The following TDRD3 variants were observed in gnomAD, a reference collection of about 807,000 sequenced individuals.
The protein encoded by TDRD3 is tudor domain containing 3.
A neutral mutation model predicts 86.7 loss-of-function variants in TDRD3; 45 were observed. That is an observed-to-expected ratio of 0.52 (90% CI 0.41 to 0.67). The LOEUF (loss-of-function observed/expected upper bound fraction) is 0.67, where lower values mean the gene tolerates loss of function less well. Ranked by LOEUF, TDRD3 falls within the 30% of genes least tolerant of loss-of-function variation. The pLI is 0.00. For synonymous variants in TDRD3, 298 were observed against 301.7 expected (o/e 0.99, Z 0.13); for missense variants, 814 against 889.0 (o/e 0.92, Z 1.07).
chr13:60,477,800 T>C (rs1057303287), intron 5 of TDRD3, among the ~76,000 whole-genome samples: 13 of 152,202 alleles, frequency 8.5e-5, no homozygotes, highest in African/African-American at 3.1e-4. Flanking sequence ...TCTTCTCATC[T>C]ACGTGCATCA....
At position 60,457,001 on chromosome 13, in the gene TDRD3, A is replaced by G. The variant is rs147240484; in HGVS notation, c.193-3379A>G. On this transcript the variant is annotated intron_variant, in intron 3 of 13. Coordinates refer to ENST00000377881, the MANE Select transcript of TDRD3 (RefSeq NM_001146070.2). The stretch of plus-strand genomic sequence containing the variant: ...GTGAGTCACCGCACCCAGCCTTAAG[A>G]TGATTTTAGATTCAGGATTTAGGAT... 5.5e-3 allele frequency among the ~76,000 whole-genome samples: 830 copies of G among 152,270 alleles called. 3 individuals carry two copies. The highest frequency in any genetic ancestry group is 0.024 in the Middle Eastern group (7 of 294).
At chr13:60,398,614 A>G (rs866734660) in intron 1 of TDRD3, among the ~76,000 whole-genome samples, 1 of 152,224 alleles carries the variant, frequency 6.6e-6, no homozygotes, top group Non-Finnish European at 1.5e-5. Flanking sequence ...TTGTGTTATT[A>G]TACACCCCAT....
rs1957524591 is a variant in TDRD3, at chr13:60,529,126, A to G, written c.1901A>G (p.Glu634Gly). ...CGAAGATCTGGGCCAATTAAGCCAG[A>G]AAAAATACTAGAATCATCTATTCCT... Reference protein sequence around the residue: ...PKRRSGPIKPEKILESSIPME... With the variant: ...PKRRSGPIKPGKILESSIPME... The change falls in exon 11 of 14, where the codon GAA becomes GGA. Residue 634 changes from glutamate (E) to glycine (G), a missense_variant. Coordinates refer to ENST00000377881, the MANE Select transcript of TDRD3 (RefSeq NM_001146070.2). 1 of 1,614,034 alleles carries G rather than the reference A, an allele frequency of 6.2e-7. No homozygotes were observed. Among genetic ancestry groups the G allele is most frequent in the South Asian group, 1.1e-5 (1 of 91,062 alleles).
At chr13:60,544,103 C>CT (rs1469662092) in intron 12 of TDRD3, among the ~76,000 whole-genome samples, 6 of 151,086 alleles carry the variant, frequency 4.0e-5, no homozygotes, top group East Asian at 3.9e-4. Context: ...CCTGAAATTC[C>CT]TTTTTTTTTA....
chr13:60,504,967 G>T (rs1956905404), intron 8 of TDRD3, among the ~76,000 whole-genome samples: 1 of 152,202 alleles, frequency 6.6e-6, no homozygotes, highest in African/African-American at 2.4e-5. Context: ...TCCCTTGGGT[G>T]CTCATGCCAC....
intron 3 of TDRD3, among the ~76,000 whole-genome samples, chr13:60,449,616 G>A (rs1955488061): frequency 6.6e-6 from 1 of 151,918 alleles, no homozygotes; most frequent in Non-Finnish European, 1.5e-5. Flanking sequence ...GTTATTTTGA[G>A]GGTTAAATTG....
At chr13:60,404,776 TG>T (rs1343237503) in intron 1 of TDRD3, among the ~76,000 whole-genome samples, 1 of 152,220 alleles carries the variant, frequency 6.6e-6, no homozygotes, top group African/African-American at 2.4e-5. Context: ...AGCTAATTTT[TG>T]TATTCTTAGT....
rs925198183 is a variant in TDRD3, at chr13:60,433,693, G to C, written c.42-5995G>C. Among the ~76,000 whole-genome samples the C allele has an allele frequency of 4.6e-5, 7 of 152,332 alleles. No individual in the cohort carries two copies. The South Asian group carries it at 1.4e-3, about 32-fold the overall frequency. On this transcript the variant is annotated intron_variant, in intron 1 of 13. Coordinates refer to ENST00000377881, the MANE Select transcript of TDRD3 (RefSeq NM_001146070.2). ...GGCTGAGCCCTGTTTTGTTTGGCTT[G>C]TACACTGCTTTACGGAAATCTAAAA...
At chr13:60,449,837 T>C (rs1955494385) in intron 3 of TDRD3, among the ~76,000 whole-genome samples, 1 of 152,114 alleles carries the variant, frequency 6.6e-6, no homozygotes, top group South Asian at 2.1e-4. Context: ...TGAATATCAT[T>C]TGAAAAATTT....
chr13:60,543,899 T>C (rs1957872950), intron 12 of TDRD3, among the ~76,000 whole-genome samples: 1 of 151,924 alleles, frequency 6.6e-6, no homozygotes, highest in Admixed American at 6.6e-5. Flanking sequence ...CTGGAAACTT[T>C]TATGTATTAA....
intron 1 of TDRD3, among the ~76,000 whole-genome samples, chr13:60,422,789 T>C (rs965191446): frequency 6.6e-6 from 1 of 152,142 alleles, no homozygotes; most frequent in African/African-American, 2.4e-5. Context: ...TCGAATATTA[T>C]TCCTTTGGAA....
chr13:60,444,925 T>G (rs1467154425), intron 3 of TDRD3, among the ~76,000 whole-genome samples, 177 bp downstream of exon 3: 1 of 152,052 alleles, frequency 6.6e-6, no homozygotes, highest in Admixed American at 6.6e-5. Flanking sequence ...AATTCAACTT[T>G]TGGTGACTTT....
In TDRD3 at chr13:60,500,532, C is replaced by T. The variant is rs112437750; in HGVS notation, c.858+5957C>T. On this transcript the variant is annotated intron_variant, in intron 8 of 13. Transcript: ENST00000377881. ...CCCAAAAGTGGACAGCTACAGCCTA[C>T]AGCCCCTTTCTAAGACATTTCTGAA... Among the ~76,000 whole-genome samples the T allele has an allele frequency of 3.4e-3, 514 of 152,344 alleles. 4 individuals are homozygous for T. The highest frequency in any genetic ancestry group is 0.012 in the African/African-American group (490 of 41,572).
At position 60,490,050 on chromosome 13, in the gene TDRD3, G is replaced by GTTTTTTTTTTTTTTT. The variant is rs11397531; in HGVS notation, c.717+4110_717+4124dup. Among the ~76,000 whole-genome samples, 3 of 111,044 alleles carry GTTTTTTTTTTTTTTT rather than the reference G, an allele frequency of 2.7e-5. 1 individual carries two copies. The highest frequency in any genetic ancestry group is 5.2e-5 in the Non-Finnish European group (3 of 58,104). The allele number at this position is 111,044 out of a possible 152,430, so 72.8% of individuals were successfully genotyped here. A position where few individuals can be genotyped will look rare whatever the true frequency, so the allele number is the denominator to read the frequency against. ...AATATTTGATAATTAAAGCATCTTA[G>GTTTTTTTTTTTTTTT]TTTTTTTTTTTTTTTTTTTTTTACA... On this transcript the variant is annotated intron_variant, in intron 7 of 13. Coordinates refer to ENST00000377881, the MANE Select transcript of TDRD3 (RefSeq NM_001146070.2).
At chr13:60,459,138 A>G (rs1955746735) in intron 3 of TDRD3, among the ~76,000 whole-genome samples, 1 of 152,238 alleles carries the variant, frequency 6.6e-6, no homozygotes, top group Admixed American at 6.5e-5. Context: ...ACTGATAAAT[A>G]TGGAGTAGAA....
chr13:60,557,030 C>T (rs1958203388), intron 12 of TDRD3, among the ~76,000 whole-genome samples: 1 of 151,854 alleles, frequency 6.6e-6, no homozygotes, highest in African/African-American at 2.4e-5. Context: ...CGTGGAGAAA[C>T]CCCGTCTCTA....
intron 8 of TDRD3, among the ~76,000 whole-genome samples, chr13:60,500,133 G>A (rs111706518): frequency 0.13 from 20,228 of 152,098 alleles, 1,411 homozygotes; most frequent in African/African-American, 0.16. Context: ...TTGAGAGACG[G>A]CTCTTGGCCT....
intron 5 of TDRD3, among the ~76,000 whole-genome samples, chr13:60,473,780 G>C (rs192296397): frequency 6.6e-6 from 1 of 152,190 alleles, no homozygotes; most frequent in Non-Finnish European, 1.5e-5. Flanking sequence ...CCCTGGTCTA[G>C]CGGACAAGGC....
intron 1 of TDRD3, among the ~76,000 whole-genome samples, chr13:60,421,736 C>T (rs1954665707): frequency 1.3e-5 from 2 of 152,106 alleles, no homozygotes; most frequent in African/African-American, 4.8e-5. Flanking sequence ...AAGTTAAAAG[C>T]CAGCCCCATG....
Sources: gnomAD v4.1 joint callset for allele counts (sites outside exome capture counted in the v4.1 genomes callset) on GRCh38, gnomAD v4.1.1 for gene constraint, MANE v1.5 for transcripts, NCBI Gene and HGNC (gene_info 2026-07-23, HGNC 2026-07-21) for gene names.